Variants in CLEC20A observed in about 807,000 individuals in gnomAD.
CLEC20A encodes putative C-type lectin domain family 20 member A.
At chr1:178,484,884 A>T (rs1358541099) in intron 5 of CLEC20A, among the ~76,000 whole-genome samples, 1 of 151,998 alleles carries the variant, frequency 6.6e-6, no homozygotes, top group Non-Finnish European at 1.5e-5. Context: ...CCTGGGTTCC[A>T]CCCACCCAGA....
At chr1:178,483,682 C>G (rs1649053543) in intron 5 of CLEC20A, 1 of 153,842 alleles carries the variant, frequency 6.5e-6, no homozygotes, top group Admixed American at 6.5e-5. Flanking sequence ...ATCGCCATCT[C>G]CATCCCAAAC....
chr1:178,489,079 T>C (rs1649218109), intron 4 of CLEC20A, among the ~76,000 whole-genome samples: 1 of 152,116 alleles, frequency 6.6e-6, no homozygotes, highest in South Asian at 2.1e-4. Flanking sequence ...AAGGTAAATT[T>C]TGGCTGGGTG....
chr1:178,492,943 C>T (rs190047763), intron 2 of CLEC20A, among the ~76,000 whole-genome samples: 5 of 152,260 alleles, frequency 3.3e-5, no homozygotes, highest in South Asian at 2.1e-4. Context: ...AGAGGGGAGG[C>T]GAGGCCTGAT....
intron 3 of CLEC20A, among the ~76,000 whole-genome samples, 193 bp from the exon 4 acceptor site, chr1:178,490,630 T>C (rs1649248905): frequency 6.6e-6 from 1 of 152,224 alleles, no homozygotes; most frequent in Non-Finnish European, 1.5e-5. Flanking sequence ...TGAGATAGTA[T>C]AGCAGCAGGT....
Position 178,494,867 on chromosome 1 carries a change from A to C in CLEC20A, c.41-57T>G, listed in dbSNP as rs1572160366. 7 of 398,844 alleles carry C rather than the reference A, an allele frequency of 1.8e-5. No individual in the cohort carries two copies. The East Asian group carries it at 2.5e-4, about 14-fold the overall frequency. The allele number at this position is 398,844 out of a possible 1,614,324, so 24.7% of individuals were successfully genotyped here. A position where few individuals can be genotyped will look rare whatever the true frequency, so the allele number is the denominator to read the frequency against. On this transcript the variant is annotated intron_variant, in intron 1 of 7. Coordinates refer to ENST00000623247, the Ensembl canonical transcript of CLEC20A. ...GTCCCCACCCCAGCCCCTAGTCCTC[A>C]AAGAGCTTTCAGCCACACTCGGGTG...
chr1:178,489,331 C>T (rs537613810), intron 4 of CLEC20A, among the ~76,000 whole-genome samples: 6 of 151,998 alleles, frequency 3.9e-5, no homozygotes, highest in African/African-American at 1.4e-4. Context: ...TGCACTCCAG[C>T]CTGGGCGACA....
chr1:178,496,222 C>G (rs1358049879), intron 1 of CLEC20A: 1 of 152,612 alleles, frequency 6.6e-6, no homozygotes, highest in Non-Finnish European at 1.5e-5. Context: ...TACCCGGGAG[C>G]CTCTAGTCAG....
intron 5 of CLEC20A, among the ~76,000 whole-genome samples, chr1:178,485,093 C>A (rs1033928397): frequency 2.0e-5 from 3 of 152,224 alleles, no homozygotes; most frequent in African/African-American, 7.2e-5. Flanking sequence ...TTAACATTGT[C>A]ACACATCTCC....
chr1:178,479,492 GAGA>G, exon 8 of CLEC20A: 2 of 398,258 alleles, frequency 5.0e-6, no homozygotes, highest in Non-Finnish European at 4.4e-6. Context: ...TCAAAATCCA[GAGA>G]AGATTGCATG....
chr1:178,485,868 TAAAATG>T (rs954281603), intron 5 of CLEC20A, among the ~76,000 whole-genome samples: 2 of 152,188 alleles, frequency 1.3e-5, no homozygotes, highest in African/African-American at 4.8e-5. Context: ...TTATGATTAA[TAAAATG>T]AGAATGAGGC....
chr1:178,479,954 A>G (rs968781821), intron 7 of CLEC20A: 8 of 160,324 alleles, frequency 5.0e-5, no homozygotes, highest in African/African-American at 1.9e-4. Context: ...GAGCTCCACC[A>G]TTGAACAATT....
chr1:178,496,958 C>A (rs541172271), upstream of CLEC20A: 1 of 400,054 alleles, frequency 2.5e-6, no homozygotes, highest in Non-Finnish European at 4.4e-6. Context: ...ACTGGCTGGG[C>A]GATGGCTGGG....
chr1:178,494,659 G>T, exon 2 of CLEC20A: 1 of 399,604 alleles, frequency 2.5e-6, no homozygotes, highest in Non-Finnish European at 4.4e-6. Context: ...AAGCCGGGGT[G>T]CTGGTCATGA....
intron 5 of CLEC20A, among the ~76,000 whole-genome samples, chr1:178,486,118 C>A (rs1427173159): frequency 2.0e-5 from 3 of 152,202 alleles, no homozygotes; most frequent in Non-Finnish European, 2.9e-5. Flanking sequence ...GCTTTTAGAA[C>A]CAAAATGGAT....
chr1:178,487,676 A>G (rs2473831), intron 5 of CLEC20A, among the ~76,000 whole-genome samples: 52,388 of 152,024 alleles, frequency 0.34, 12,977 homozygotes, highest in African/African-American at 0.7. Context: ...TTCAGAACAA[A>G]CCTTCCCTTT....
intron 4 of CLEC20A, among the ~76,000 whole-genome samples, chr1:178,489,479 A>G (rs1470108213): frequency 6.6e-6 from 1 of 152,172 alleles, no homozygotes; most frequent in Non-Finnish European, 1.5e-5. Flanking sequence ...GGGAGGAAGG[A>G]GAGAAGGAAA....
intron 1 of CLEC20A, chr1:178,496,635 G>A (rs918006475): frequency 4.6e-5 from 18 of 388,776 alleles, no homozygotes; most frequent in African/African-American, 3.5e-4. Flanking sequence ...GAATGTCTTA[G>A]CCCCGCTAGA....
intron 1 of CLEC20A, chr1:178,496,669 G>GT (rs2101880550): frequency 2.5e-6 from 1 of 396,404 alleles, no homozygotes; most frequent in East Asian, 3.6e-5. Context: ...GAGCCGCACT[G>GT]TTTCTGACTG....
upstream of CLEC20A, among the ~76,000 whole-genome samples, chr1:178,498,776 G>C (rs1291184838): frequency 3.3e-5 from 5 of 152,284 alleles, no homozygotes; most frequent in East Asian, 9.7e-4. Flanking sequence ...ACACAGTCTG[G>C]AAGGCTCTCT....
Sources: allele counts gnomAD v4.1 joint callset (sites outside exome capture counted in the v4.1 genomes callset), GRCh38; gene constraint gnomAD v4.1.1; transcripts MANE v1.5; gene names NCBI Gene and HGNC (gene_info 2026-07-23, HGNC 2026-07-21).